Variants in CTNNA2 observed in about 807,000 individuals in gnomAD.
CTNNA2 encodes catenin alpha 2.
CTNNA2 carries 42 observed loss-of-function variants against 101.0 expected under a neutral mutation model. The ratio of observed to expected loss-of-function variants is 0.42; its 90% CI spans 0.32 to 0.54. CTNNA2 has a LOEUF of 0.54. Ranked by LOEUF, CTNNA2 falls within the 20% of genes least tolerant of loss-of-function variation. The pLI is 0.14. For synonymous variants in CTNNA2, 450 were observed against 456.4 expected, an observed-to-expected ratio of 0.99 and a Z score of 0.18; for missense variants, 871 against 1,223.1, an observed-to-expected ratio of 0.71 and a Z score of 4.29.
intron 4 of CTNNA2, among the ~76,000 whole-genome samples, chr2:79,482,094 T>C (rs1671115485): frequency 6.6e-6 from 1 of 152,198 alleles, no homozygotes; most frequent in Non-Finnish European, 1.5e-5. Flanking sequence ...ATGAATTAAT[T>C]CAGAAAATAC....
At chr2:80,305,397 T>C in intron 7 of CTNNA2, 1 of 982,654 alleles carries the variant, frequency 1.0e-6, no homozygotes, top group Non-Finnish European at 1.2e-6. Context: ...ACATATGGGG[T>C]ACAGAGTGGA....
At chr2:79,556,182 T>A (rs1674432477) in intron 1 of CTNNA2, among the ~76,000 whole-genome samples, 1 of 152,156 alleles carries the variant, frequency 6.6e-6, no homozygotes, top group Non-Finnish European at 1.5e-5. Flanking sequence ...GGCTTGTTAA[T>A]ATAATAATGA....
chr2:79,962,012 TG>T (rs1272027221), intron 7 of CTNNA2, among the ~76,000 whole-genome samples: 1 of 151,970 alleles, frequency 6.6e-6, no homozygotes, highest in Non-Finnish European at 1.5e-5. Flanking sequence ...GTGGCTAGAG[TG>T]GGAAGTAAAT....
intron 3 of CTNNA2, among the ~76,000 whole-genome samples, chr2:79,807,772 T>C (rs1309043047): frequency 6.6e-6 from 1 of 152,180 alleles, no homozygotes; most frequent in Non-Finnish European, 1.5e-5. Context: ...AATGCTATTA[T>C]GTGAATTGTA....
chr2:79,285,109 C>T (rs906081070), intron 2 of CTNNA2, among the ~76,000 whole-genome samples: 7 of 150,508 alleles, frequency 4.7e-5, no homozygotes, highest in African/African-American at 1.5e-4. Flanking sequence ...TGGTGATATC[C>T]CCTTTATCAT....
intron 7 of CTNNA2, among the ~76,000 whole-genome samples, chr2:80,073,771 C>CACACACACACACACACACTT (rs1553443664): frequency 2.0e-5 from 3 of 146,388 alleles, no homozygotes; most frequent in African/African-American, 5.2e-5. Flanking sequence ...CACACACACA[C>CACACACACACACACACACTT]TTATAGGATT....
intron 18 of CTNNA2, among the ~76,000 whole-genome samples, chr2:80,644,250 T>C (rs796982323): frequency 5.3e-5 from 8 of 152,214 alleles, no homozygotes; most frequent in African/African-American, 1.9e-4. Context: ...CATTCCTACT[T>C]CGAGAATTTT....
chr2:79,242,858 C>A (rs1253635232), intron 2 of CTNNA2, among the ~76,000 whole-genome samples: 5 of 151,626 alleles, frequency 3.3e-5, no homozygotes, highest in Non-Finnish European at 7.4e-5. Flanking sequence ...GCCTCAGCTA[C>A]TCTGGAGACT....
At chr2:80,476,488 CAT>C (rs1685740889) in intron 9 of CTNNA2, among the ~76,000 whole-genome samples, 1 of 152,172 alleles carries the variant, frequency 6.6e-6, no homozygotes, top group African/African-American at 2.4e-5. Context: ...ACAGAAGTAA[CAT>C]AGCATCAAGA....
At chr2:80,538,262 A>G (rs1341280670) in intron 9 of CTNNA2, among the ~76,000 whole-genome samples, 2 of 152,058 alleles carry the variant, frequency 1.3e-5, no homozygotes, top group African/African-American at 4.8e-5. Flanking sequence ...TTTTGTTACT[A>G]TTGCTTTTGC....
intron 1 of CTNNA2, among the ~76,000 whole-genome samples, chr2:79,530,095 G>A (rs1196026792): frequency 1.3e-5 from 2 of 152,042 alleles, no homozygotes; most frequent in African/African-American, 4.8e-5. Context: ...TGTGGTGGGA[G>A]GTTAGCTTTG....
chr2:80,100,749 G>C (rs570799840), intron 7 of CTNNA2, among the ~76,000 whole-genome samples: 3 of 152,194 alleles, frequency 2.0e-5, no homozygotes, highest in Non-Finnish European at 4.4e-5. Flanking sequence ...TCTGAGGCTT[G>C]AATCTCTTGT....
intron 7 of CTNNA2, among the ~76,000 whole-genome samples, chr2:80,047,124 T>C (rs867689740): frequency 6.6e-6 from 1 of 152,194 alleles, no homozygotes; most frequent in Non-Finnish European, 1.5e-5. Flanking sequence ...TGTCCAGAGC[T>C]GTAGGGATTC....
intron 2 of CTNNA2, among the ~76,000 whole-genome samples, chr2:79,271,646 G>C (rs1675085822): frequency 6.6e-6 from 1 of 151,986 alleles, no homozygotes; most frequent in South Asian, 2.1e-4. Flanking sequence ...GCTCTGAGCA[G>C]GAGTCTGACT....
intron 1 of CTNNA2, chr2:79,523,229 G>A: frequency 2.2e-6 from 1 of 446,668 alleles, no homozygotes; most frequent in Non-Finnish European, 4.5e-6. Flanking sequence ...GGGTTGATCT[G>A]CCTTCAATAT....
At chr2:79,844,538 G>A (rs982121622) in intron 3 of CTNNA2, among the ~76,000 whole-genome samples, 5 of 152,138 alleles carry the variant, frequency 3.3e-5, no homozygotes, top group African/African-American at 1.2e-4. Context: ...AAAATTCACT[G>A]ACTTCCTGTG....
At chr2:80,336,944 G>A (rs909724218) in intron 7 of CTNNA2, among the ~76,000 whole-genome samples, 1 of 152,126 alleles carries the variant, frequency 6.6e-6, no homozygotes, top group Non-Finnish European at 1.5e-5. Context: ...ATAGAAAATT[G>A]AGCATTGTTC....
chr2:79,313,099 A>G (rs1038241270), intron 3 of CTNNA2, among the ~76,000 whole-genome samples: 7 of 152,222 alleles, frequency 4.6e-5, no homozygotes, highest in Non-Finnish European at 7.3e-5. Flanking sequence ...TTAATCTGCT[A>G]TAAAACATCC....
rs1052332389 is a variant in CTNNA2, at chr2:80,303,916, G to A, written c.1057-89295G>A. 9.2e-6 allele frequency: 13 copies of A among 1,406,686 alleles called. No homozygotes were observed. The highest frequency in any genetic ancestry group is 1.4e-5 in the African/African-American group (1 of 69,250). The allele number at this position is 1,406,686 out of a possible 1,614,324, so 87.1% of individuals were successfully genotyped here. A position where few individuals can be genotyped will look rare whatever the true frequency, so the allele number is the denominator to read the frequency against. On this transcript the variant is annotated intron_variant, in intron 7 of 18. Coordinates refer to ENST00000402739, the MANE Select transcript of CTNNA2 (RefSeq NM_001282597.3). The surrounding 1 kb of genome is among the most constrained non-coding windows in gnomAD (Gnocchi z 7.7). ...TTATTCCGAGGGAGGGGAAGCGGGG[G>A]AGGGGGAGAAAAGGGCAAAAAATCA... is the stretch of plus-strand genomic sequence containing the variant.
Sources: allele counts gnomAD v4.1 joint callset (sites outside exome capture counted in the v4.1 genomes callset), GRCh38; gene constraint gnomAD v4.1.1; non-coding constraint Gnocchi (gnomAD v3.1); transcripts MANE v1.5; gene names NCBI Gene and HGNC (gene_info 2026-07-23, HGNC 2026-07-21).